The following CREB5 variants were observed in gnomAD, a reference collection of about 807,000 sequenced individuals.
CREB5 encodes cyclic AMP-responsive element-binding protein 5.
Under a neutral mutation model 57.1 loss-of-function variants are expected in CREB5, and 19 were observed. The observed-to-expected ratio is 0.33, with a 90% confidence interval of 0.23 to 0.49. The LOEUF (loss-of-function observed/expected upper bound fraction) is 0.49, where lower values mean the gene tolerates loss of function less well. Ranked by LOEUF, CREB5 falls within the 20% of genes least tolerant of loss-of-function variation. The pLI, the probability that CREB5 is intolerant of heterozygous loss-of-function variation, is 0.99. For missense variants in CREB5, 579 were observed against 671.6 expected (o/e 0.86, Z 1.52); for synonymous variants, 238 against 238.3 (o/e 1.00, Z 0.01).
intron 5 of CREB5, among the ~76,000 whole-genome samples, chr7:28,655,626 TTAAG>T (rs777974481): frequency 7.9e-5 from 12 of 152,054 alleles, no homozygotes; most frequent in Non-Finnish European, 1.3e-4. Flanking sequence ...CACAAATTAA[TTAAG>T]TAATTAATTT....
At chr7:28,800,620 A>G (rs1808306315) in intron 7 of CREB5, among the ~76,000 whole-genome samples, 1 of 152,192 alleles carries the variant, frequency 6.6e-6, no homozygotes, top group Non-Finnish European at 1.5e-5. Context: ...AAGGGAGATG[A>G]AGATGCTGAG....
chr7:28,393,219 T>C (rs192451900), intron 1 of CREB5, among the ~76,000 whole-genome samples: 1 of 152,168 alleles, frequency 6.6e-6, no homozygotes, highest in Non-Finnish European at 1.5e-5. Flanking sequence ...TGAGCCACCA[T>C]ATCCAGCCAT....
At chr7:28,799,470 T>C (rs1341192108) in intron 7 of CREB5, among the ~76,000 whole-genome samples, 1 of 152,222 alleles carries the variant, frequency 6.6e-6, no homozygotes, top group Non-Finnish European at 1.5e-5. Context: ...CTAGCATTAT[T>C]GTCTTGGCCT....
At chr7:28,456,640 G>T (rs1188517089) in intron 1 of CREB5, among the ~76,000 whole-genome samples, 1 of 152,206 alleles carries the variant, frequency 6.6e-6, no homozygotes, top group African/African-American at 2.4e-5. Context: ...TGTTGTTGTA[G>T]TTCCAAAGTC....
intron 7 of CREB5, among the ~76,000 whole-genome samples, chr7:28,735,813 CT>C (rs1011298427): frequency 6.9e-4 from 100 of 144,680 alleles, no homozygotes; most frequent in Middle Eastern, 3.5e-3. Context: ...CTCTCTCTCT[CT>C]TTTTTTTTTT....
intron 7 of CREB5, among the ~76,000 whole-genome samples, chr7:28,795,949 T>C (rs531284730): frequency 3.9e-5 from 6 of 152,210 alleles, no homozygotes; most frequent in African/African-American, 1.4e-4. Context: ...AGATGGGGTT[T>C]CACTATGTTG....
intron 8 of CREB5, among the ~76,000 whole-genome samples, chr7:28,805,153 G>A (rs1460758711): frequency 6.6e-6 from 1 of 152,204 alleles, no homozygotes; most frequent in Non-Finnish European, 1.5e-5. Flanking sequence ...AGAGAGCCAA[G>A]TTCTGTAGAT....
intron 3 of CREB5, among the ~76,000 whole-genome samples, chr7:28,499,379 A>G (rs1562758393): frequency 6.6e-6 from 1 of 152,056 alleles, no homozygotes; most frequent in South Asian, 2.1e-4. Flanking sequence ...ACAGCCCTCC[A>G]AGGTAGGGCT....
intron 1 of CREB5, among the ~76,000 whole-genome samples, chr7:28,338,279 C>A (rs1293846787): frequency 6.6e-6 from 1 of 152,084 alleles, no homozygotes; most frequent in African/African-American, 2.4e-5. Context: ...TGAAGAACTC[C>A]CTTTAGCGTT....
intron 5 of CREB5, among the ~76,000 whole-genome samples, chr7:28,672,184 A>ACAC (rs1439926301): frequency 0.27 from 36,821 of 138,616 alleles, 4,824 homozygotes; most frequent in Middle Eastern, 0.37. Flanking sequence ...GGAAAAAAAA[A>ACAC]AAAAACACAC....
chr7:28,634,086 G>A (rs1184542293), intron 5 of CREB5, among the ~76,000 whole-genome samples: 1 of 152,172 alleles, frequency 6.6e-6, no homozygotes, highest in Non-Finnish European at 1.5e-5. Flanking sequence ...CTGTTTCTCA[G>A]AAGTTGACAG....
chr7:28,577,722 G>T (rs896598549), intron 5 of CREB5, among the ~76,000 whole-genome samples: 1 of 152,110 alleles, frequency 6.6e-6, no homozygotes, highest in Non-Finnish European at 1.5e-5. Context: ...CTTTAAAATT[G>T]GGGGGTGGGG....
chr7:28,771,466 C>G (rs984935987), intron 7 of CREB5, among the ~76,000 whole-genome samples: 1 of 152,146 alleles, frequency 6.6e-6, no homozygotes, highest in Admixed American at 6.5e-5. Flanking sequence ...GGCGTCCTTC[C>G]TCCATTAGGG....
rs1796475565 is a variant in CREB5, at chr7:28,590,696, A to T, written c.464+20159A>T. ...GTATAATAATAATAATAATAATAAT[A>T]ATAATAATAATAAAAACCCAAACTG... On this transcript the variant is annotated intron_variant, in intron 5 of 10. Coordinates refer to ENST00000357727, the MANE Select transcript of CREB5 (RefSeq NM_182898.4). Among the ~76,000 whole-genome samples, 10 of 150,394 alleles carry T rather than the reference A, an allele frequency of 6.6e-5. 1 individual carries two copies. The South Asian group carries it at 2.1e-3, about 32-fold the overall frequency.
At chr7:28,383,875 T>C (rs1787021822) in intron 1 of CREB5, among the ~76,000 whole-genome samples, 1 of 152,240 alleles carries the variant, frequency 6.6e-6, no homozygotes, top group Non-Finnish European at 1.5e-5. Flanking sequence ...TCTATTTCTT[T>C]GAAGTGTCAA....
At chr7:28,336,326 G>A (rs1257073255) in intron 1 of CREB5, among the ~76,000 whole-genome samples, 4 of 151,912 alleles carry the variant, frequency 2.6e-5, no homozygotes, top group African/African-American at 7.2e-5. Flanking sequence ...ATTGAGTCTC[G>A]GGCTTTTCTT....
chr7:28,560,811 T>TGTGTGTGCGCGCGCGCGTGTGTGTGTGC (rs1562796907), intron 4 of CREB5, among the ~76,000 whole-genome samples: 109 of 34,456 alleles, frequency 3.2e-3, no homozygotes, highest in Middle Eastern at 0.017. Flanking sequence ...TGTGTGCGCG[T>TGTGTGTGCGCGCGCGCGTGTGTGTGTGC]GTGTGTGTGT....
At chr7:28,547,866 C>T (rs539886295) in intron 4 of CREB5, among the ~76,000 whole-genome samples, 1 of 152,296 alleles carries the variant, frequency 6.6e-6, no homozygotes, top group South Asian at 2.1e-4. Flanking sequence ...TATGGGGTTC[C>T]TGGAATGCCT....
intron 7 of CREB5, among the ~76,000 whole-genome samples, chr7:28,747,015 A>T (rs940999742): frequency 6.6e-6 from 1 of 152,238 alleles, no homozygotes; most frequent in African/African-American, 2.4e-5. Context: ...AAATATTTCA[A>T]ATATGGCTTT....
Sources: allele counts gnomAD v4.1 joint callset (sites outside exome capture counted in the v4.1 genomes callset), GRCh38; gene constraint gnomAD v4.1.1; transcripts MANE v1.5; gene names NCBI Gene and HGNC (gene_info 2026-07-23, HGNC 2026-07-21).